The following PTPRN2 variants were observed in gnomAD, a reference collection of about 807,000 sequenced individuals.
PTPRN2 encodes receptor-type tyrosine-protein phosphatase N2.
PTPRN2 carries 74 observed loss-of-function variants against 118.8 expected under a neutral mutation model. The observed-to-expected ratio is 0.62, with a 90% confidence interval of 0.52 to 0.76. PTPRN2 has a LOEUF of 0.76. PTPRN2 is among the 30% of genes least tolerant of loss of function. The probability of loss-of-function intolerance (pLI) is 0.00; values close to 1 mark genes in which losing one functional copy is unlikely to be tolerated. For synonymous variants in PTPRN2, 641 were observed against 608.0 expected (o/e 1.05, Z -0.80); for missense variants, 1,481 against 1,394.4 (o/e 1.06, Z -0.99).
Position 157,638,735 on chromosome 7 carries a change from C to T in PTPRN2, c.2197-17226G>A, listed in dbSNP as rs555516029. ...GGAGGGTGAGGTGGGAGTGGATGAT[C>T]GGGGTCACTCTTCTTGCTGGGACTT... On this transcript the variant is annotated intron_variant, in intron 14 of 22. Transcript: ENST00000389418. 7.9e-5 allele frequency among the ~76,000 whole-genome samples: 12 copies of T among 152,314 alleles called. No homozygotes were observed. The South Asian group carries it at 8.3e-4, about 11-fold the overall frequency.
In PTPRN2 at chr7:157,990,138, A is replaced by G. The variant is rs992544181; in HGVS notation, c.1723+91160T>C. 1.8e-4 allele frequency among the ~76,000 whole-genome samples: 27 copies of G among 152,112 alleles called. No homozygotes were observed. Among genetic ancestry groups the G allele is most frequent in the African/African-American group, 6.5e-4 (27 of 41,398 alleles). On this transcript the variant is annotated intron_variant, in intron 11 of 22. Coordinates refer to ENST00000389418, the MANE Select transcript of PTPRN2 (RefSeq NM_002847.5). The surrounding 1 kb of genome is among the most constrained non-coding windows in gnomAD (Gnocchi z 4.3). ...AATACACCGAGACGAAAACAAGCCCAGGTGAAGCTGCAGCTGGGGACACGA... is the reference window on the plus strand; with the variant it reads ...AATACACCGAGACGAAAACAAGCCCGGGTGAAGCTGCAGCTGGGGACACGA...
chr7:157,662,260 C>T (rs1795925145), intron 13 of PTPRN2, among the ~76,000 whole-genome samples: 2 of 152,150 alleles, frequency 1.3e-5, no homozygotes, highest in South Asian at 4.1e-4. Flanking sequence ...TGGGCCTGTG[C>T]CTGACACACA....
intron 11 of PTPRN2, among the ~76,000 whole-genome samples, chr7:158,044,500 C>A (rs1808698898): frequency 6.6e-6 from 1 of 152,240 alleles, no homozygotes; most frequent in African/African-American, 2.4e-5. Context: ...AAATTATCTG[C>A]ATCACCAAAG....
chr7:157,712,844 C>A (rs1798718103), intron 12 of PTPRN2, among the ~76,000 whole-genome samples: 1 of 151,532 alleles, frequency 6.6e-6, no homozygotes, highest in Non-Finnish European at 1.5e-5. Flanking sequence ...TGGAGTGGGG[C>A]AGCCACAAGC....
intron 3 of PTPRN2, among the ~76,000 whole-genome samples, chr7:158,291,976 C>T (rs1304089132): frequency 6.6e-6 from 1 of 152,168 alleles, no homozygotes; most frequent in African/African-American, 2.4e-5. Flanking sequence ...TTTGATAAGG[C>T]CAGTAATACA....
At chr7:157,796,010 A>G (rs11982179) in intron 12 of PTPRN2, among the ~76,000 whole-genome samples, 17,466 of 152,196 alleles carry the variant, frequency 0.11, 1,162 homozygotes, top group South Asian at 0.21. Flanking sequence ...GCACACCCCT[A>G]CCCTTCCTGG....
intron 3 of PTPRN2, among the ~76,000 whole-genome samples, chr7:158,278,347 C>CAA (rs34662497): frequency 6.9e-5 from 10 of 144,658 alleles, no homozygotes; most frequent in African/African-American, 2.6e-4. Flanking sequence ...TACTAAAATA[C>CAA]AAAAAAAAAA....
chr7:158,523,762 GTCT>G (rs1824492753), intron 1 of PTPRN2, among the ~76,000 whole-genome samples: 2 of 53,528 alleles, frequency 3.7e-5, no homozygotes, highest in Non-Finnish European at 3.5e-5. Flanking sequence ...GAGTGGAGTC[GTCT>G]ACCCTGGAGT....
At chr7:158,566,014 T>G (rs1827646235) in intron 1 of PTPRN2, among the ~76,000 whole-genome samples, 1 of 152,190 alleles carries the variant, frequency 6.6e-6, no homozygotes, top group African/African-American at 2.4e-5. Flanking sequence ...TTTTGATAAC[T>G]TTGAGAATCA....
intron 12 of PTPRN2, among the ~76,000 whole-genome samples, chr7:157,824,328 C>A (rs1044946116): frequency 4.6e-5 from 7 of 152,370 alleles, no homozygotes; most frequent in Middle Eastern, 3.4e-3. Flanking sequence ...GCCAGAGAAC[C>A]ACAAGAGGGC....
At chr7:158,095,078 T>C (rs940436068) in intron 10 of PTPRN2, among the ~76,000 whole-genome samples, 5 of 152,038 alleles carry the variant, frequency 3.3e-5, no homozygotes, top group African/African-American at 9.7e-5. Flanking sequence ...TATTCCTCCC[T>C]GCCCTGGGTT....
At chr7:158,155,594 AT>A in intron 6 of PTPRN2, among the ~76,000 whole-genome samples, 1 of 142,658 alleles carries the variant, frequency 7.0e-6, no homozygotes, top group Non-Finnish European at 1.5e-5. Flanking sequence ...CATCATCACC[AT>A]CATCATCACC....
chr7:157,611,292 G>A lies in PTPRN2; in HGVS notation c.2345-7217C>T, dbSNP rs1479955718. Among the ~76,000 whole-genome samples the A allele has an allele frequency of 6.6e-6, 1 of 152,142 alleles. No individual in the cohort carries two copies. The highest frequency in any genetic ancestry group is 1.5e-5 in the Non-Finnish European group (1 of 68,036). On this transcript the variant is annotated intron_variant, in intron 15 of 22. Coordinates refer to ENST00000389418, the MANE Select transcript of PTPRN2 (RefSeq NM_002847.5). The surrounding 1 kb of genome is among the most constrained non-coding windows in gnomAD (Gnocchi z 5.9). ...TTGGGCAGGTGACCTGGGGCAGGTGGACTAGAAGGAGCCTCAAGCCCTGGG... is the reference window on the plus strand; with the variant it reads ...TTGGGCAGGTGACCTGGGGCAGGTGAACTAGAAGGAGCCTCAAGCCCTGGG...
At chr7:158,230,635 C>T (rs2150821841) in intron 3 of PTPRN2, among the ~76,000 whole-genome samples, 1 of 150,958 alleles carries the variant, frequency 6.6e-6, no homozygotes, top group South Asian at 2.1e-4. Context: ...TTTTATAAGT[C>T]TCATGGCAAC....
At chr7:157,582,611 C>G (rs1024689876) in intron 17 of PTPRN2, among the ~76,000 whole-genome samples, 10 of 152,150 alleles carry the variant, frequency 6.6e-5, no homozygotes, top group Non-Finnish European at 1.0e-4. Flanking sequence ...CACGGTGGCT[C>G]ACACCTGTAA....
At chr7:157,820,122 A>G (rs1165237743) in intron 12 of PTPRN2, among the ~76,000 whole-genome samples, 1 of 151,774 alleles carries the variant, frequency 6.6e-6, no homozygotes, top group South Asian at 2.1e-4. Flanking sequence ...CATGCACTCC[A>G]CATACATGCA....
intron 12 of PTPRN2, among the ~76,000 whole-genome samples, chr7:157,894,306 C>T (rs186265188): frequency 3.3e-5 from 5 of 152,142 alleles, no homozygotes; most frequent in Non-Finnish European, 7.4e-5. Flanking sequence ...GGCTCCTGGA[C>T]GTTTGGCATC....
intron 2 of PTPRN2, among the ~76,000 whole-genome samples, chr7:158,388,716 C>G (rs550485407): frequency 6.6e-6 from 1 of 152,258 alleles, no homozygotes; most frequent in African/African-American, 2.4e-5. Context: ...CTGAAAGGCC[C>G]AACCATCTAA....
chr7:157,967,040 C>T (rs971061047), intron 11 of PTPRN2, among the ~76,000 whole-genome samples: 1 of 152,244 alleles, frequency 6.6e-6, no homozygotes, highest in African/African-American at 2.4e-5. Flanking sequence ...CACAGGCTGG[C>T]TGGGTGCAGT....
Sources: allele counts gnomAD v4.1 joint callset (sites outside exome capture counted in the v4.1 genomes callset), GRCh38; gene constraint gnomAD v4.1.1; non-coding constraint Gnocchi (gnomAD v3.1); transcripts MANE v1.5; gene names NCBI Gene and HGNC (gene_info 2026-07-23, HGNC 2026-07-21).